Variants in RP2 observed in about 807,000 individuals in gnomAD.
RP2 encodes the protein RP2 activator of ARL3 GTPase.
RP2 carries 3 observed loss-of-function variants against 20.3 expected under a neutral mutation model. That is an observed-to-expected ratio of 0.15 (90% CI 0.07 to 0.38). The LOEUF (loss-of-function observed/expected upper bound fraction) is 0.38, where lower values mean the gene tolerates loss of function less well. Among genes scored for constraint, RP2 ranks in the 10% least tolerant of loss-of-function variants. The pLI is 1.00. For missense variants in RP2, 233 were observed against 268.5 expected (o/e 0.87, Z 0.92); for synonymous variants, 75 against 94.8 (o/e 0.79, Z 1.22).
At chrX:46,858,722 C>T (rs1240270365) in intron 2 of RP2, among the ~76,000 whole-genome samples, 1 of 111,189 alleles carries the variant, frequency 9.0e-6, no homozygotes, top group Non-Finnish European at 1.9e-5. Flanking sequence ...GTCCTCCCAC[C>T]TTGGCCTCTC....
chrX:46,856,080 C>G (rs1924954722), intron 2 of RP2, among the ~76,000 whole-genome samples: 1 of 111,523 alleles, frequency 9.0e-6, no homozygotes. Context: ...GCTATCTGAT[C>G]ACATGTTAAT....
chrX:46,838,299 C>T (rs1204195587), intron 1 of RP2, among the ~76,000 whole-genome samples: 1 of 112,126 alleles, frequency 8.9e-6, no homozygotes, highest in East Asian at 2.8e-4. Context: ...TTCTCAGCCC[C>T]GTCTTTCTGC....
chrX:46,858,493 C>T (rs1925007822), intron 2 of RP2, among the ~76,000 whole-genome samples: 1 of 107,563 alleles, frequency 9.3e-6, no homozygotes, highest in African/African-American at 3.4e-5. Context: ...TTTTTAAAGA[C>T]AAGGTTTTGC....
chrX:46,861,503 G>C (rs1026133924), intron 3 of RP2, among the ~76,000 whole-genome samples: 7 of 111,648 alleles, frequency 6.3e-5, no homozygotes, highest in Non-Finnish European at 1.3e-4. Context: ...TTAGGAGCCA[G>C]CTTGAAGGAG....
chrX:46,855,975 T>G (rs1343871922), intron 2 of RP2, among the ~76,000 whole-genome samples: 1 of 112,013 alleles, frequency 8.9e-6, no homozygotes, highest in African/African-American at 3.2e-5. Context: ...AGTTTAATTT[T>G]AAGACTTTTA....
chrX:46,853,897 A>G lies in RP2; in HGVS notation c.524A>G (p.His175Arg). The G allele has an allele frequency of 8.3e-7, 1 of 1,211,673 alleles. No homozygotes were observed. Among genetic ancestry groups the G allele is most frequent in the South Asian group, 1.8e-5 (1 of 56,992 alleles). ...SIFNNTWSNI[H>R]DFTPVSGELN... ...TTCAACAATACATGGAGTAACATTC[A>G]TGACTTTACACCTGTGTCAGGAGAA... The change falls in exon 2 of 5, where the codon CAT becomes CGT. Residue 175 changes from histidine to arginine, a missense_variant. Transcript: ENST00000218340.
intron 1 of RP2, among the ~76,000 whole-genome samples, chrX:46,848,572 C>T (rs184128477): frequency 7.7e-4 from 82 of 106,832 alleles, no homozygotes; most frequent in African/African-American, 2.6e-3. Flanking sequence ...TTAGTAGAGA[C>T]GGGGTTTCAC....
intron 1 of RP2, among the ~76,000 whole-genome samples, chrX:46,847,743 T>TGTGTGTGTGTATATACACAC (rs1924753210): frequency 1.0e-4 from 9 of 87,114 alleles, no homozygotes; most frequent in East Asian, 3.6e-4. Context: ...TATACACACA[T>TGTGTGTGTGTATATACACAC]ATGTGTGTGT....
chrX:46,868,415 T>C (rs1925215389), intron 3 of RP2, among the ~76,000 whole-genome samples: 1 of 110,281 alleles, frequency 9.1e-6, no homozygotes, highest in Admixed American at 9.7e-5. Flanking sequence ...TAGCCCCAGC[T>C]ACTCTGGAGG....
intron 1 of RP2, among the ~76,000 whole-genome samples, chrX:46,844,465 T>G (rs1437973482): frequency 3.6e-5 from 4 of 110,480 alleles, no homozygotes; most frequent in Non-Finnish European, 5.7e-5. Flanking sequence ...TGCTGAGAAT[T>G]ATGGTTTCCA....
intron 3 of RP2, among the ~76,000 whole-genome samples, chrX:46,866,834 G>A (rs1556322716): frequency 9.0e-6 from 1 of 111,415 alleles, no homozygotes. Context: ...GTTTTGATGA[G>A]TGCATAAAGT....
intron 1 of RP2, among the ~76,000 whole-genome samples, chrX:46,841,283 C>G (rs1469306165): frequency 1.8e-5 from 2 of 112,135 alleles, no homozygotes; most frequent in Non-Finnish European, 3.8e-5. Flanking sequence ...TAGGAGGAGG[C>G]TAGATACTGT....
At position 46,879,062 on chromosome X, in the gene RP2, T is replaced by TAAAAA. The variant is rs35579507; in HGVS notation, c.970-600_970-596dup. 7.3e-4 allele frequency among the ~76,000 whole-genome samples: 24 copies of TAAAAA among 33,046 alleles called. 3 individuals are homozygous for TAAAAA. The highest frequency in any genetic ancestry group is 1.3e-3 in the East Asian group (1 of 781). 28.7% of individuals were successfully genotyped at this position (33,046 alleles called of 115,157 possible). A position where few individuals can be genotyped will look rare whatever the true frequency, so the allele number is the denominator to read the frequency against. On this transcript the variant is annotated intron_variant, in intron 4 of 4. Coordinates refer to ENST00000218340, the MANE Select transcript of RP2 (RefSeq NM_006915.3). ...CAACATAGTGAGACTCTACAAAAAGTAAAAAAAAAAAAAAAAAAAAAAAAA... is the reference window on the plus strand; with the variant it reads ...CAACATAGTGAGACTCTACAAAAAGTAAAAAAAAAAAAAAAAAAAAAAAAAAAAAA...
rs782127844 is a variant in RP2 at position 46,853,528 on chromosome X, G to A, written c.155G>A (p.Arg52His). Residue 52 changes from arginine (R) to histidine (H), a missense_variant, in exon 2 of 5, where the codon CGC (arginine) becomes CAC (histidine). Physicochemically the swap from Arg to His is conservative, Grantham distance 29 (BLOSUM62 0). Around this residue, in one of 3 missense-constraint regions of RP2, gnomAD observed 77 missense variants for 71.8 expected, o/e 1.07. Transcript: ENST00000218340. ...GGACTGAAGGATGAAACAGTAGGTC[G>A]CTTACCTGGGACGGTAGCAGGACAA... ...FSGLKDETVG[R>H]LPGTVAGQQF... 22 of 1,208,841 alleles carry A rather than the reference G, an allele frequency of 1.8e-5. No individual in the cohort carries two copies. Among genetic ancestry groups the A allele is most frequent in the Non-Finnish European group, 2.2e-5 (20 of 894,541 alleles).
chrX:46,845,158 C>G (rs952437412), intron 1 of RP2, among the ~76,000 whole-genome samples: 4 of 111,632 alleles, frequency 3.6e-5, no homozygotes, highest in African/African-American at 9.8e-5. Context: ...GCTTTGCATG[C>G]CCAGAACACA....
chrX:46,855,738 A>T (rs1291548843), intron 2 of RP2, among the ~76,000 whole-genome samples: 2 of 110,808 alleles, frequency 1.8e-5, no homozygotes, highest in African/African-American at 6.6e-5. Flanking sequence ...AAGTGCTGGG[A>T]TTATAGGCGA....
chrX:46,858,474 A>ATT (rs1467061059), intron 2 of RP2, among the ~76,000 whole-genome samples: 5 of 103,271 alleles, frequency 4.8e-5, no homozygotes, highest in African/African-American at 1.4e-4. Flanking sequence ...ATATGACTAC[A>ATT]TTTTTTTTTT....
intron 1 of RP2, among the ~76,000 whole-genome samples, chrX:46,841,963 C>A (rs1483998218): frequency 4.5e-5 from 5 of 112,247 alleles, no homozygotes; most frequent in African/African-American, 1.6e-4. Flanking sequence ...GTTGCCCAGG[C>A]TGGAATGCAG....
Position 46,837,045 on chromosome X carries a change from A to T in RP2, c.-56A>T. On this transcript the variant is annotated 5_prime_UTR_variant, in exon 1 of 5. Transcript: ENST00000218340. ...CCGGGGTTCCCAGGGTTCACGCCAC[A>T]CTCTAGGAAGTGCCTGAGCTAGTGA... 1 of 1,114,128 alleles carries T rather than the reference A, an allele frequency of 9.0e-7. No homozygotes were observed. 91.8% of individuals were successfully genotyped at this position (1,114,128 alleles called of 1,213,427 possible).
Sources: allele counts gnomAD v4.1 joint callset (sites outside exome capture counted in the v4.1 genomes callset), GRCh38; gene constraint gnomAD v4.1.1; regional missense constraint gnomAD v4.1.1; transcripts MANE v1.5; gene names NCBI Gene and HGNC (gene_info 2026-07-23, HGNC 2026-07-21).